RSPH3: variants seen among roughly 807,000 people sequenced by gnomAD.
RSPH3 encodes the protein radial spoke head protein 3 homolog.
In RSPH3, 21 loss-of-function variants were observed where a neutral mutation model predicts 43.8. The ratio of observed to expected loss-of-function variants is 0.48; its 90% CI spans 0.34 to 0.69. The LOEUF (loss-of-function observed/expected upper bound fraction) is 0.69, where lower values mean the gene tolerates loss of function less well. Among genes scored for constraint, RSPH3 ranks in the 30% least tolerant of loss-of-function variants. The pLI is 0.01. For synonymous variants in RSPH3, 173 were observed against 179.8 expected (o/e 0.96, Z 0.30); for missense variants, 487 against 516.0 (o/e 0.94, Z 0.54).
In RSPH3 at chr6:158,986,420, A is replaced by T. The variant is rs1298079009; in HGVS notation, c.206T>A (p.Leu69His). ...NTYALQTGPLLGRPDSLELQR... is the reference protein window; with the variant it reads ...NTYALQTGPLHGRPDSLELQR... ...GAGCTCTAGAGAATCAGGCCGTCCG[A>T]GCTAACAGTGATAGAAAATACTTCT... Residue 69 changes from leucine (L) to histidine (H), a missense_variant and splice_region_variant, in exon 3 of 8, where the codon CTC (leucine) becomes CAC (histidine). Physicochemically the swap from Leu to His is moderately conservative, Grantham distance 99 (BLOSUM62 -3). Transcript: ENST00000367069. 2 of 1,604,944 alleles carry T rather than the reference A, an allele frequency of 1.2e-6. No homozygotes were observed. The highest frequency in any genetic ancestry group is 2.2e-5 in the South Asian group (2 of 89,454).
rs116578712 is a variant in RSPH3, at chr6:158,987,573, A to C, written c.205-1152T>G. 5.2e-3 allele frequency among the ~76,000 whole-genome samples: 797 copies of C among 152,186 alleles called. 7 individuals are homozygous for C. Among genetic ancestry groups the C allele is most frequent in the African/African-American group, 0.018 (747 of 41,498 alleles). ...GTCTTTCTTTGTGTTAAGTGACTTT[A>C]TCTGGTAGTATATTTTAGTTTGTTG... On this transcript the variant is annotated intron_variant, in intron 2 of 7. Transcript: ENST00000367069.
At chr6:158,998,526 A>G (rs1006288539) in intron 1 of RSPH3, among the ~76,000 whole-genome samples, 1 of 148,702 alleles carries the variant, frequency 6.7e-6, no homozygotes, top group African/African-American at 2.5e-5. Flanking sequence ...TTTCCTATGT[A>G]TGTTTGAATA....
At chr6:158,998,612 T>C (rs1778709695) in intron 1 of RSPH3, among the ~76,000 whole-genome samples, 1 of 151,638 alleles carries the variant, frequency 6.6e-6, no homozygotes, top group Non-Finnish European at 1.5e-5. Flanking sequence ...TCCCAGCACT[T>C]TGGGAGGCCG....
chr6:158,984,434 TTATATATATATATATATA>T (rs55999313), intron 3 of RSPH3, among the ~76,000 whole-genome samples: 13 of 63,708 alleles, frequency 2.0e-4, no homozygotes, highest in African/African-American at 8.9e-4. Context: ...AAAAAGTCAA[TTATATATATATATATATA>T]TATATATATA....
At chr6:158,991,306 ATATTT>A (rs1778398365) in intron 2 of RSPH3, among the ~76,000 whole-genome samples, 1 of 152,152 alleles carries the variant, frequency 6.6e-6, no homozygotes, top group Admixed American at 6.5e-5. Context: ...TTTGGGTATT[ATATTT>A]TAAGACTTTG....
chr6:158,975,355 A>G lies in RSPH3; in HGVS notation c.*2183T>C, dbSNP rs1777801997. 6.6e-6 allele frequency: 1 copy of G among 152,198 alleles called. No homozygotes were observed. Among genetic ancestry groups the G allele is most frequent in the South Asian group, 2.1e-4 (1 of 4,834 alleles). 9.4% of individuals were successfully genotyped at this position (152,198 alleles called of 1,614,324 possible). Reference sequence around the variant, plus strand: ...ATTTTTAAAATGCTATTAGTGCAATAATTTATTTTAAATTATTCTTTGTAC... The same window carrying G: ...ATTTTTAAAATGCTATTAGTGCAATGATTTATTTTAAATTATTCTTTGTAC... On this transcript the variant is annotated 3_prime_UTR_variant, in exon 8 of 8. Transcript: ENST00000367069.
chr6:158,990,158 GACTTAAT>G (rs1333613342), intron 2 of RSPH3, among the ~76,000 whole-genome samples: 1 of 152,008 alleles, frequency 6.6e-6, no homozygotes, highest in Non-Finnish European at 1.5e-5. Context: ...GTGATTGTGT[GACTTAAT>G]ACTTAATAAA....
chr6:158,993,909 T>A lies in RSPH3; in HGVS notation c.134A>T (p.His45Leu). The stretch of plus-strand genomic sequence containing the variant: ...TCTGTCATACATTATGTTTCCATAA[T>A]GCATAGGTTCTTCATCTCTGTAAAA... ...SLTQPDEEPM[H>L]YGNIMYDRRV... The change falls in exon 2 of 8, where the codon CAT (histidine) becomes CTT (leucine). Residue 45 changes from histidine to leucine, a missense_variant. Physicochemically the swap from His to Leu is moderately conservative, Grantham distance 99. Coordinates refer to ENST00000367069, the MANE Select transcript of RSPH3 (RefSeq NM_031924.8). 1 of 1,608,836 alleles carries A rather than the reference T, an allele frequency of 6.2e-7. No homozygotes were observed. Among genetic ancestry groups the A allele is most frequent in the Non-Finnish European group, 8.5e-7 (1 of 1,175,392 alleles).
At position 158,976,420 on chromosome 6, in the gene RSPH3, T is replaced by C. The variant is rs1329345749; in HGVS notation, c.*1118A>G. 2 of 152,158 alleles carry C rather than the reference T, an allele frequency of 1.3e-5. No homozygotes were observed. Among genetic ancestry groups the C allele is most frequent in the Non-Finnish European group, 2.9e-5 (2 of 68,022 alleles). The allele number at this position is 152,158 out of a possible 1,614,324, so 9.4% of individuals were successfully genotyped here. ...AACCATATTTTGACAAGATAAGAGA[T>C]TGATGCCACTAACCTTGAAAGATCT... On this transcript the variant is annotated 3_prime_UTR_variant, in exon 8 of 8. Coordinates refer to ENST00000367069, the MANE Select transcript of RSPH3 (RefSeq NM_031924.8).
chr6:158,970,488 T>C (rs910935678), downstream of RSPH3, among the ~76,000 whole-genome samples: 2 of 152,196 alleles, frequency 1.3e-5, no homozygotes, highest in African/African-American at 2.4e-5. Context: ...TTTCTGGGCA[T>C]GCATGCAGTC....
chr6:158,970,904 A>AT (rs924940339), downstream of RSPH3, among the ~76,000 whole-genome samples: 4 of 151,106 alleles, frequency 2.6e-5, no homozygotes, highest in African/African-American at 9.7e-5. Flanking sequence ...AAGACTTTCA[A>AT]TTTTTTTTTG....
At chr6:158,991,061 G>A (rs1340267121) in intron 2 of RSPH3, among the ~76,000 whole-genome samples, 1 of 151,604 alleles carries the variant, frequency 6.6e-6, no homozygotes, top group Non-Finnish European at 1.5e-5. Context: ...GTTTCCATTT[G>A]GTTCACTTTT....
downstream of RSPH3, among the ~76,000 whole-genome samples, chr6:158,971,897 G>A (rs1227913749): frequency 6.6e-6 from 1 of 152,134 alleles, no homozygotes; most frequent in Non-Finnish European, 1.5e-5. Flanking sequence ...CAGAAACTTT[G>A]ACCAAATAGC....
the RSPH3 span, among the ~76,000 whole-genome samples, chr6:158,963,272 T>C: frequency 6.6e-6 from 1 of 152,150 alleles, no homozygotes; most frequent in Non-Finnish European, 1.5e-5. Context: ...AGAGATCTTT[T>C]TTCTTTTTCA....
At chr6:158,998,885 AACC>A (rs143434986) in intron 1 of RSPH3, among the ~76,000 whole-genome samples, 117 of 151,480 alleles carry the variant, frequency 7.7e-4, no homozygotes, top group African/African-American at 2.5e-3. Context: ...CAACAACAGC[AACC>A]ACCACCACCA....
At chr6:158,990,598 C>T (rs1275420213) in intron 2 of RSPH3, 2 of 152,014 alleles carry the variant, frequency 1.3e-5, no homozygotes, top group Non-Finnish European at 2.9e-5. Flanking sequence ...CCATTTAAAT[C>T]ATTGTTCTCC....
At position 158,982,676 on chromosome 6, in the gene RSPH3, C is replaced by A; in HGVS notation, c.505G>T (p.Asp169Tyr). The part of the protein sequence containing the change: ...QILEGELFDF[D>Y]LEVKPVLEVL... The stretch of plus-strand genomic sequence containing the variant: ...TCTAACACTGGTTTAACTTCAAGAT[C>A]AAAGTCAAAGAGCTTAAACATACAA... Residue 169 changes from aspartate (D) to tyrosine (Y), a missense_variant, in exon 5 of 8, where the codon GAT (aspartate) becomes TAT (tyrosine). Asp to Tyr is a radical substitution (Grantham distance 160). Transcript: ENST00000367069. 1 of 1,612,286 alleles carries A rather than the reference C, an allele frequency of 6.2e-7. No homozygotes were observed. The highest frequency in any genetic ancestry group is 1.1e-5 in the South Asian group (1 of 90,856).
At chr6:158,978,929 G>C (rs1777940290) in intron 6 of RSPH3, among the ~76,000 whole-genome samples, 1 of 152,138 alleles carries the variant, frequency 6.6e-6, no homozygotes, top group Admixed American at 6.6e-5. Context: ...AGGGAGGCAG[G>C]GGGAGGATGT....
intron 3 of RSPH3, among the ~76,000 whole-genome samples, chr6:158,984,526 T>TA (rs751587360): frequency 2.3e-4 from 34 of 145,716 alleles, no homozygotes; most frequent in Non-Finnish European, 4.2e-4. Context: ...CCTGGATAGT[T>TA]AAAAAAATCA....
Sources: gnomAD v4.1 joint callset for allele counts (sites outside exome capture counted in the v4.1 genomes callset) on GRCh38, gnomAD v4.1.1 for gene constraint, MANE v1.5 for transcripts, NCBI Gene and HGNC (gene_info 2026-07-23, HGNC 2026-07-21) for gene names.